Variants in GRM8 observed in about 807,000 individuals in gnomAD.
GRM8 encodes metabotropic glutamate receptor 8.
Under a neutral mutation model 87.2 loss-of-function variants are expected in GRM8, and 47 were observed. The observed-to-expected ratio is 0.54, with a 90% CI of 0.43 to 0.69. GRM8 has a LOEUF of 0.69. Among genes scored for constraint, GRM8 ranks in the 30% least tolerant of loss-of-function variants. The probability of loss-of-function intolerance (pLI) is 0.00; values close to 1 mark genes in which losing one functional copy is unlikely to be tolerated. For missense variants in GRM8, 1,019 were observed against 1,139.2 expected (o/e 0.89, Z 1.52); for synonymous variants, 396 against 404.5 (o/e 0.98, Z 0.25).
chr7:126,649,883 A>G (rs185248314), intron 7 of GRM8, among the ~76,000 whole-genome samples: 11 of 152,318 alleles, frequency 7.2e-5, no homozygotes, highest in Admixed American at 7.2e-4. Context: ...AGGAGATCCA[A>G]TGGTGCCTGA....
At chr7:126,547,566 T>C (rs962689091) in intron 8 of GRM8, among the ~76,000 whole-genome samples, 1 of 151,772 alleles carries the variant, frequency 6.6e-6, no homozygotes, top group Non-Finnish European at 1.5e-5. Context: ...TAGAATAATT[T>C]GAAGGTAAAG....
intron 2 of GRM8, among the ~76,000 whole-genome samples, chr7:127,207,169 T>C (rs964437122): frequency 6.6e-6 from 1 of 152,240 alleles, no homozygotes; most frequent in African/African-American, 2.4e-5. Flanking sequence ...TGCAAAATGA[T>C]GAAGCACATG....
At chr7:127,101,152 C>T (rs373494570) in intron 3 of GRM8, among the ~76,000 whole-genome samples, 19 of 152,198 alleles carry the variant, frequency 1.2e-4, no homozygotes, top group Middle Eastern at 6.8e-3. Flanking sequence ...CTCTGTGTCC[C>T]GTTACTAAAT....
intron 7 of GRM8, among the ~76,000 whole-genome samples, chr7:126,747,255 G>A (rs1815805460): frequency 6.6e-6 from 1 of 151,948 alleles, no homozygotes; most frequent in Non-Finnish European, 1.5e-5. Context: ...ACTGTTTCAT[G>A]CTTCATAACT....
intron 9 of GRM8, among the ~76,000 whole-genome samples, chr7:126,473,011 G>A (rs1265611894): frequency 6.6e-6 from 1 of 152,194 alleles, no homozygotes; most frequent in Non-Finnish European, 1.5e-5. Flanking sequence ...TGATGTCCAG[G>A]CAGAGGTGTG....
At chr7:126,722,983 ATTATATATAATTTATATATATAATTTAC>A (rs976419824) in intron 7 of GRM8, among the ~76,000 whole-genome samples, 2 of 144,146 alleles carry the variant, frequency 1.4e-5, no homozygotes, top group Non-Finnish European at 3.0e-5. Flanking sequence ...ATTTACATAT[ATTATATATAATTTATATATATAATTTAC>A]ATATATATAA....
chr7:126,993,505 C>T (rs1271869776), intron 3 of GRM8, among the ~76,000 whole-genome samples: 1 of 152,140 alleles, frequency 6.6e-6, no homozygotes, highest in African/African-American at 2.4e-5. Context: ...ACAATAAAAG[C>T]ACCTTCATAA....
intron 9 of GRM8, among the ~76,000 whole-genome samples, chr7:126,486,268 T>C (rs1041978877): frequency 3.9e-5 from 6 of 152,080 alleles, no homozygotes; most frequent in Non-Finnish European, 8.8e-5. Context: ...GCCTCACCTT[T>C]TGACATATAA....
At chr7:126,631,640 C>A (rs939365990) in intron 7 of GRM8, among the ~76,000 whole-genome samples, 2 of 152,100 alleles carry the variant, frequency 1.3e-5, no homozygotes, top group Non-Finnish European at 2.9e-5. Context: ...AACTATACTA[C>A]AAGGCTACAG....
intron 9 of GRM8, among the ~76,000 whole-genome samples, chr7:126,501,826 G>A (rs554525577): frequency 2.0e-5 from 3 of 151,938 alleles, no homozygotes; most frequent in South Asian, 2.1e-4. Flanking sequence ...AGGAAGAGTC[G>A]GGGCAGGTCT....
rs569107319 is a variant in GRM8, at chr7:126,883,027, A to C, written c.1156+19515T>G. Among the ~76,000 whole-genome samples the C allele has an allele frequency of 2.0e-5, 3 of 152,356 alleles. No homozygotes were observed. In the East Asian group the frequency reaches 5.8e-4, roughly 29 times the overall value. On this transcript the variant is annotated intron_variant, in intron 6 of 10. Coordinates refer to ENST00000339582, the MANE Select transcript of GRM8 (RefSeq NM_000845.3). Reference sequence around the variant, plus strand: ...TTTCTGAGTTGGTCAGAGGACAATGAAAACTACAGTTCATGCCCAAATGTT... The same window carrying C: ...TTTCTGAGTTGGTCAGAGGACAATGCAAACTACAGTTCATGCCCAAATGTT...
At chr7:126,548,138 C>T (rs1431368520) in intron 8 of GRM8, among the ~76,000 whole-genome samples, 1 of 151,762 alleles carries the variant, frequency 6.6e-6, no homozygotes, top group Non-Finnish European at 1.5e-5. Flanking sequence ...AGAACATGAA[C>T]TTTAACATCA....
intron 8 of GRM8, among the ~76,000 whole-genome samples, chr7:126,604,564 C>T (rs2106308): frequency 0.32 from 48,778 of 151,886 alleles, 8,461 homozygotes; most frequent in East Asian, 0.44. Context: ...TTTGTACATG[C>T]AATTTCCTTG....
chr7:126,648,432 T>C (rs10487456), intron 7 of GRM8, among the ~76,000 whole-genome samples: 46,696 of 152,026 alleles, frequency 0.31, 8,036 homozygotes, highest in East Asian at 0.43. Flanking sequence ...GTACACAGAG[T>C]TGCTGTTCAA....
intron 7 of GRM8, among the ~76,000 whole-genome samples, chr7:126,611,246 T>A (rs1359047833): frequency 2.0e-5 from 3 of 152,290 alleles, no homozygotes; most frequent in African/African-American, 2.4e-5. Flanking sequence ...CTTTCTCAGC[T>A]CCTAGTGACC....
At chr7:126,884,422 G>T (rs1487331247) in intron 6 of GRM8, among the ~76,000 whole-genome samples, 1 of 151,980 alleles carries the variant, frequency 6.6e-6, no homozygotes, top group Non-Finnish European at 1.5e-5. Flanking sequence ...ACCAACAAAT[G>T]GATATCAGTA....
chr7:126,599,423 T>C (rs1797522195), intron 8 of GRM8, among the ~76,000 whole-genome samples: 1 of 152,146 alleles, frequency 6.6e-6, no homozygotes, highest in Non-Finnish European at 1.5e-5. Flanking sequence ...CTTTTTGGCC[T>C]TGTAAAGATA....
chr7:126,510,526 G>A (rs973134877), intron 9 of GRM8, among the ~76,000 whole-genome samples: 1 of 152,006 alleles, frequency 6.6e-6, no homozygotes, highest in Non-Finnish European at 1.5e-5. Flanking sequence ...ATATCTGAAG[G>A]ACTTTTGAAG....
intron 3 of GRM8, among the ~76,000 whole-genome samples, chr7:127,059,634 C>G (rs1820419230): frequency 6.6e-6 from 1 of 152,126 alleles, no homozygotes. Flanking sequence ...CCGCGCCCGG[C>G]CCATATAAAT....
Sources: allele counts gnomAD v4.1 joint callset (sites outside exome capture counted in the v4.1 genomes callset), GRCh38; gene constraint gnomAD v4.1.1; transcripts MANE v1.5; gene names NCBI Gene and HGNC (gene_info 2026-07-23, HGNC 2026-07-21).